The following GRIK2 variants were observed in gnomAD, a reference collection of about 807,000 sequenced individuals.
The protein encoded by GRIK2 is glutamate ionotropic receptor kainate type subunit 2.
Under a neutral mutation model 100.3 loss-of-function variants are expected in GRIK2, and 32 were observed. The ratio of observed to expected loss-of-function variants is 0.32; its 90% confidence interval spans 0.24 to 0.43. GRIK2 has a LOEUF of 0.43. GRIK2 is among the 20% of genes least tolerant of loss of function. The pLI, the probability that GRIK2 is intolerant of heterozygous loss-of-function variation, is 1.00. For missense variants in GRIK2, 843 were observed against 1,114.9 expected (o/e 0.76, Z 3.47); for synonymous variants, 417 against 389.4 (o/e 1.07, Z -0.83).
chr6:101,838,009 G>T lies in GRIK2; in HGVS notation c.1317+19526G>T, dbSNP rs61203959. 7.2e-5 allele frequency among the ~76,000 whole-genome samples: 11 copies of T among 151,882 alleles called. No homozygotes were observed. In the East Asian group the frequency reaches 2.1e-3, roughly 29 times the overall value. ...CTTTTCCCCTTCTCCCCCAAAGCACGTCATAAGACTCTCATCTGAGAGGTA... is the reference window on the plus strand; with the variant it reads ...CTTTTCCCCTTCTCCCCCAAAGCACTTCATAAGACTCTCATCTGAGAGGTA... On this transcript the variant is annotated intron_variant, in intron 10 of 16. Transcript: ENST00000369134.
chr6:101,529,691 A>G (rs1187445464), intron 2 of GRIK2, among the ~76,000 whole-genome samples: 1 of 152,094 alleles, frequency 6.6e-6, no homozygotes, highest in Non-Finnish European at 1.5e-5. Flanking sequence ...AAAGGAGCTT[A>G]TATTCTATTA....
At chr6:101,955,274 G>A (rs1196010665) in intron 14 of GRIK2, among the ~76,000 whole-genome samples, 2 of 152,040 alleles carry the variant, frequency 1.3e-5, no homozygotes, top group Non-Finnish European at 2.9e-5. Flanking sequence ...TGAAGAAATG[G>A]TATTAATTTT....
intron 11 of GRIK2, among the ~76,000 whole-genome samples, chr6:101,888,198 G>C (rs983466977): frequency 2.6e-5 from 4 of 152,060 alleles, no homozygotes; most frequent in Non-Finnish European, 5.9e-5. Context: ...TTTTTGAGAT[G>C]CATGTCATGG....
intron 7 of GRIK2, among the ~76,000 whole-genome samples, chr6:101,784,044 T>C (rs1779270517): frequency 6.6e-6 from 1 of 152,188 alleles, no homozygotes; most frequent in Admixed American, 6.5e-5. Context: ...ACCCGTCTTC[T>C]GGGGAGGAAT....
rs548854987 is a variant in GRIK2 at position 101,632,323 on chromosome 6, G to A, written c.541+5686G>A. On this transcript the variant is annotated intron_variant, in intron 4 of 16. Transcript: ENST00000369134. The stretch of plus-strand genomic sequence containing the variant: ...CTTCTACTGGATCAACCACACATCT[G>A]AGCAGGGTGAACCCTAAGGCTGCTC... Among the ~76,000 whole-genome samples the A allele has an allele frequency of 5.3e-5, 8 of 152,198 alleles. No individual in the cohort carries two copies. In the East Asian group the frequency reaches 1.4e-3, roughly 26 times the overall value.
At chr6:101,925,642 G>A (rs1455552083) in intron 13 of GRIK2, among the ~76,000 whole-genome samples, 1 of 151,060 alleles carries the variant, frequency 6.6e-6, no homozygotes, top group East Asian at 2.0e-4. Context: ...AAAACTGACA[G>A]TAAAGGAAGA....
intron 5 of GRIK2, among the ~76,000 whole-genome samples, chr6:101,679,125 A>G (rs1455037317): frequency 6.6e-6 from 1 of 152,226 alleles, no homozygotes; most frequent in African/African-American, 2.4e-5. Context: ...AGTAATCAGG[A>G]ACTTCAAAGT....
At chr6:102,050,459 C>A (rs1304314840) in intron 15 of GRIK2, among the ~76,000 whole-genome samples, 2 of 151,888 alleles carry the variant, frequency 1.3e-5, no homozygotes, top group Non-Finnish European at 2.9e-5. Context: ...TGAGACCATC[C>A]TGGCCAACGT....
intron 14 of GRIK2, among the ~76,000 whole-genome samples, chr6:101,998,502 T>C (rs995998004): frequency 6.6e-6 from 1 of 152,110 alleles, no homozygotes; most frequent in African/African-American, 2.4e-5. Flanking sequence ...GTTTTTTTGC[T>C]GTTTCGGATT....
rs149405411 is a variant in GRIK2, at chr6:101,784,959, G to C, written c.952-14689G>C. On this transcript the variant is annotated intron_variant, in intron 7 of 16. Coordinates refer to ENST00000369134, the MANE Select transcript of GRIK2 (RefSeq NM_021956.5). The stretch of plus-strand genomic sequence containing the variant: ...TCCTTTTTCTCCATGTTTTTGGTTT[G>C]CATTTGTTATTGTCTTTTTGTTTAA... Among the ~76,000 whole-genome samples the C allele has an allele frequency of 6.2e-4, 94 of 152,206 alleles. 1 individual carries two copies. Among genetic ancestry groups the C allele is most frequent in the African/African-American group, 2.1e-3 (86 of 41,534 alleles).
At chr6:101,527,699 G>A (rs539530110) in intron 2 of GRIK2, among the ~76,000 whole-genome samples, 45 of 152,272 alleles carry the variant, frequency 3.0e-4, no homozygotes, top group African/African-American at 1.1e-3. Context: ...GATGCCAGAA[G>A]TGGTCATCTT....
chr6:101,809,320 AT>A (rs1283855805), intron 9 of GRIK2, among the ~76,000 whole-genome samples: 1 of 151,970 alleles, frequency 6.6e-6, no homozygotes, highest in South Asian at 2.1e-4. Context: ...CTTTTTGAAT[AT>A]TTTTTGTAAA....
intron 2 of GRIK2, among the ~76,000 whole-genome samples, chr6:101,421,244 G>T (rs1953747): frequency 0.024 from 3,622 of 152,202 alleles, 139 homozygotes; most frequent in African/African-American, 0.082. Flanking sequence ...TTGTGGGCAG[G>T]TGGCAAGGTC....
chr6:101,994,173 T>C (rs1220071439), intron 14 of GRIK2, among the ~76,000 whole-genome samples: 1 of 151,138 alleles, frequency 6.6e-6, no homozygotes, highest in Admixed American at 6.7e-5. Flanking sequence ...CATCCTAGAT[T>C]ATTGTATAAT....
At chr6:101,473,758 T>A (rs1039297875) in intron 2 of GRIK2, among the ~76,000 whole-genome samples, 17 of 151,990 alleles carry the variant, frequency 1.1e-4, no homozygotes, top group Admixed American at 1.1e-3. Flanking sequence ...ATTTTATTTA[T>A]CTGCTCTGTC....
At chr6:101,615,861 A>C (rs551631080) in intron 2 of GRIK2, among the ~76,000 whole-genome samples, 1 of 151,974 alleles carries the variant, frequency 6.6e-6, no homozygotes, top group East Asian at 1.9e-4. Flanking sequence ...TGTTCTTTTA[A>C]AATTATAAAA....
In GRIK2 at chr6:101,740,349, A is replaced by C. The variant is rs141411898; in HGVS notation, c.951+53996A>C. Reference sequence around the variant, plus strand: ...GGACTAATTGAAGTAACATATAGGAAGGTTGTTAACAGTGCATGGCAGATG... The same window carrying C: ...GGACTAATTGAAGTAACATATAGGACGGTTGTTAACAGTGCATGGCAGATG... On this transcript the variant is annotated intron_variant, in intron 7 of 16. Transcript: ENST00000369134. 1.2e-4 allele frequency among the ~76,000 whole-genome samples: 18 copies of C among 152,322 alleles called. 1 individual carries two copies. In the East Asian group the frequency reaches 2.7e-3, roughly 23 times the overall value.
intron 4 of GRIK2, among the ~76,000 whole-genome samples, chr6:101,634,569 A>G (rs1455571459): frequency 2.0e-5 from 3 of 152,100 alleles, no homozygotes; most frequent in Non-Finnish European, 4.4e-5. Context: ...TTGTAGTATT[A>G]GGAAATGAAG....
At chr6:101,839,715 G>T (rs916853210) in intron 10 of GRIK2, among the ~76,000 whole-genome samples, 5 of 151,982 alleles carry the variant, frequency 3.3e-5, no homozygotes, top group African/African-American at 1.2e-4. Context: ...AGGGATGAGG[G>T]AAAGAAATCA....
Sources: allele counts gnomAD v4.1 joint callset (sites outside exome capture counted in the v4.1 genomes callset), GRCh38; gene constraint gnomAD v4.1.1; transcripts MANE v1.5; gene names NCBI Gene and HGNC (gene_info 2026-07-23, HGNC 2026-07-21).